SLC24A2: variants seen among roughly 807,000 people sequenced by gnomAD.
SLC24A2 encodes solute carrier family 24 member 2, also known as sodium/potassium/calcium exchanger 2.
In SLC24A2, 36 loss-of-function variants were observed where a neutral mutation model predicts 62.0. That is an observed-to-expected ratio of 0.58 (90% CI 0.44 to 0.77). SLC24A2 has a LOEUF of 0.77. Ranked by LOEUF, SLC24A2 falls within the 30% of genes least tolerant of loss-of-function variation. The pLI, the probability that SLC24A2 is intolerant of heterozygous loss-of-function variation, is 0.00. For synonymous variants in SLC24A2, 358 were observed against 294.0 expected (o/e 1.22, Z -2.23); for missense variants, 846 against 817.9 (o/e 1.03, Z -0.42).
chr9:19,821,435 A>G, the SLC24A2 span, among the ~76,000 whole-genome samples: 3 of 152,144 alleles, frequency 2.0e-5, no homozygotes, highest in Admixed American at 6.6e-5. Flanking sequence ...GGAAGTACTC[A>G]AAAGAATCTA....
the SLC24A2 span, among the ~76,000 whole-genome samples, chr9:19,984,031 C>G: frequency 1.8e-3 from 270 of 152,252 alleles, no homozygotes; most frequent in African/African-American, 6.3e-3. Context: ...CCAGAGAAAT[C>G]TGTAATAAGT....
intron 2 of SLC24A2, among the ~76,000 whole-genome samples, chr9:19,700,468 C>A (rs1820323915): frequency 6.6e-6 from 1 of 152,236 alleles, no homozygotes; most frequent in East Asian, 1.9e-4. Context: ...TGTATGGATT[C>A]TTTTTCCTTT....
the SLC24A2 span, among the ~76,000 whole-genome samples, chr9:20,019,291 G>GAAAGAAA: frequency 2.7e-5 from 4 of 149,728 alleles, no homozygotes; most frequent in Non-Finnish European, 5.9e-5. Flanking sequence ...AAGAAAGAAA[G>GAAAGAAA]AAAGAAAGAA....
the SLC24A2 span, among the ~76,000 whole-genome samples, chr9:19,962,788 A>G: frequency 6.6e-6 from 1 of 152,176 alleles, no homozygotes; most frequent in Admixed American, 6.5e-5. Flanking sequence ...TAGATATACA[A>G]TCATGTTGTC....
At chr9:19,548,802 C>G (rs758201795) in intron 8 of SLC24A2, among the ~76,000 whole-genome samples, 7 of 152,228 alleles carry the variant, frequency 4.6e-5, no homozygotes, top group Non-Finnish European at 8.8e-5. Context: ...TCTCTCATTG[C>G]TCCCGCCAAG....
chr9:19,944,734 C>T, the SLC24A2 span, among the ~76,000 whole-genome samples: 1 of 146,402 alleles, frequency 6.8e-6, no homozygotes, highest in African/African-American at 2.5e-5. Context: ...AATGCGCATG[C>T]AGGTGCCAAG....
chr9:19,923,136 G>A, the SLC24A2 span, among the ~76,000 whole-genome samples: 2 of 151,978 alleles, frequency 1.3e-5, no homozygotes, highest in Admixed American at 6.6e-5. Context: ...GGATAAATTG[G>A]CATGGCTGGC....
intron 2 of SLC24A2, among the ~76,000 whole-genome samples, chr9:19,742,042 A>G (rs190952620): frequency 6.6e-6 from 1 of 152,296 alleles, no homozygotes; most frequent in African/African-American, 2.4e-5. Context: ...GGTTCACACT[A>G]TTTCTTTTAA....
the SLC24A2 span, among the ~76,000 whole-genome samples, chr9:19,951,263 T>TG: frequency 5.3e-5 from 8 of 150,374 alleles, no homozygotes; most frequent in East Asian, 1.8e-3. Context: ...TGTGTGTGTG[T>TG]TTTAACATAT....
At chr9:19,895,491 T>C in the SLC24A2 span, among the ~76,000 whole-genome samples, 2 of 151,644 alleles carry the variant, frequency 1.3e-5, no homozygotes, top group Non-Finnish European at 2.9e-5. Flanking sequence ...TATTTTCTAA[T>C]AGATGAAAGT....
chr9:19,731,497 TTCTC>T (rs71335449), intron 2 of SLC24A2, among the ~76,000 whole-genome samples: 1 of 148,178 alleles, frequency 6.7e-6, no homozygotes, highest in Non-Finnish European at 1.5e-5. Context: ...GAACACTTGT[TTCTC>T]TCTCTCTCTC....
In SLC24A2 at chr9:19,512,311, C is replaced by T. The variant is rs984734269; in HGVS notation, c.*3842G>A. The T allele has an allele frequency of 6.6e-6, 1 of 152,246 alleles. No homozygotes were observed. Among genetic ancestry groups the T allele is most frequent in the East Asian group, 1.9e-4 (1 of 5,200 alleles). The allele number at this position is 152,246 out of a possible 1,614,324, so 9.4% of individuals were successfully genotyped here. ...TTATGATGGCCCTTGTCAGGTGACACCTGTTAGAAGCCTTACAAAGCATTT... is the reference window on the plus strand; with the variant it reads ...TTATGATGGCCCTTGTCAGGTGACATCTGTTAGAAGCCTTACAAAGCATTT... On this transcript the variant is annotated 3_prime_UTR_variant, in exon 11 of 11. Transcript: ENST00000341998.
the SLC24A2 span, among the ~76,000 whole-genome samples, chr9:19,854,027 T>G: frequency 6.6e-6 from 1 of 152,188 alleles, no homozygotes; most frequent in East Asian, 1.9e-4. Context: ...TGTTTCAGTC[T>G]TGGGAGGGTG....
At chr9:19,997,099 G>T in the SLC24A2 span, among the ~76,000 whole-genome samples, 1,409 of 152,088 alleles carry the variant, frequency 9.3e-3, 28 homozygotes, top group African/African-American at 0.033. Context: ...TGCTTCTTGA[G>T]AATAATTACG....
chr9:20,084,708 T>A, the SLC24A2 span, among the ~76,000 whole-genome samples: 2 of 152,164 alleles, frequency 1.3e-5, no homozygotes, highest in Non-Finnish European at 2.9e-5. Flanking sequence ...AGGCTCATTA[T>A]TTCTATGCAA....
chr9:20,044,896 G>C, the SLC24A2 span, among the ~76,000 whole-genome samples: 2 of 152,030 alleles, frequency 1.3e-5, no homozygotes, highest in African/African-American at 2.4e-5. Flanking sequence ...CACAGGGTGA[G>C]CACATGACTT....
the SLC24A2 span, among the ~76,000 whole-genome samples, chr9:19,976,086 G>A: frequency 4.6e-5 from 7 of 152,174 alleles, no homozygotes; most frequent in African/African-American, 1.7e-4. Context: ...GTCTTGCCAT[G>A]TTGCCCAGGC....
At chr9:20,055,283 A>G in the SLC24A2 span, among the ~76,000 whole-genome samples, 1 of 152,230 alleles carries the variant, frequency 6.6e-6, no homozygotes, top group South Asian at 2.1e-4. Context: ...TAGGTAATTC[A>G]CAAAATTAAA....
chr9:20,020,540 G>A, the SLC24A2 span, among the ~76,000 whole-genome samples: 22 of 152,234 alleles, frequency 1.4e-4, no homozygotes, highest in African/African-American at 4.8e-4. Flanking sequence ...ATGGACACAG[G>A]GAGGGGAACA....
Sources: allele counts gnomAD v4.1 joint callset (sites outside exome capture counted in the v4.1 genomes callset), GRCh38; gene constraint gnomAD v4.1.1; transcripts MANE v1.5; gene names NCBI Gene and HGNC (gene_info 2026-07-23, HGNC 2026-07-21).